PUS7: variants seen among roughly 807,000 people sequenced by gnomAD.
PUS7 encodes the protein pseudouridylate synthase 7 homolog.
Under a neutral mutation model 79.8 loss-of-function variants are expected in PUS7, and 48 were observed. The observed-to-expected ratio is 0.60, with a 90% confidence interval of 0.48 to 0.76. The LOEUF (loss-of-function observed/expected upper bound fraction) is 0.76, where lower values mean the gene tolerates loss of function less well. Among genes scored for constraint, PUS7 ranks in the 30% least tolerant of loss-of-function variants. The pLI is 0.00. For missense variants in PUS7, 729 were observed against 797.6 expected (o/e 0.91, Z 1.04); for synonymous variants, 286 against 272.2 (o/e 1.05, Z -0.50).
intron 2 of PUS7, 140 bp from the exon 3 acceptor site, chr7:105,506,413 GTTAA>G (rs1213531269): frequency 1.8e-6 from 1 of 567,538 alleles, no homozygotes; most frequent in African/African-American, 2.0e-5. Context: ...ATCACATGGA[GTTAA>G]TTTTTTTTTT....
intron 1 of PUS7, among the ~76,000 whole-genome samples, chr7:105,511,261 C>T (rs1825690839): frequency 6.6e-6 from 1 of 150,968 alleles, no homozygotes; most frequent in Non-Finnish European, 1.5e-5. Context: ...TCTCAAACTC[C>T]TGACCTCATG....
intron 6 of PUS7, among the ~76,000 whole-genome samples, chr7:105,494,160 C>T (rs1824906879): frequency 6.6e-6 from 1 of 152,188 alleles, no homozygotes; most frequent in Admixed American, 6.5e-5. Flanking sequence ...ACCTCTGCAA[C>T]CACGTCAAAG....
intron 2 of PUS7, among the ~76,000 whole-genome samples, 186 bp downstream of exon 2, chr7:105,507,929 A>G (rs1460655074): frequency 6.6e-6 from 1 of 152,156 alleles, no homozygotes; most frequent in Non-Finnish European, 1.5e-5. Context: ...GGAAAAAATT[A>G]ATTAATTAAA....
In PUS7 at chr7:105,522,109, G is replaced by A. The variant is rs1194628510; in HGVS notation, c.-90C>T. 6.6e-6 allele frequency: 1 copy of A among 152,418 alleles called. No individual in the cohort carries two copies. The highest frequency in any genetic ancestry group is 2.4e-5 in the African/African-American group (1 of 41,436). The allele number at this position is 152,418 out of a possible 1,614,324, so 9.4% of individuals were successfully genotyped here. On this transcript the variant is annotated 5_prime_UTR_variant, in exon 1 of 16. Coordinates refer to ENST00000469408, the MANE Select transcript of PUS7 (RefSeq NM_019042.5). ...TGGGCGGCGAGGTGGCCAGCGCTCT[G>A]GTTGGGACGCAAGAGAGCGGCGAAG...
At chr7:105,511,404 C>T (rs1365499426) in intron 1 of PUS7, among the ~76,000 whole-genome samples, 1 of 149,348 alleles carries the variant, frequency 6.7e-6, no homozygotes, top group African/African-American at 2.5e-5. Flanking sequence ...GAAGTATGGT[C>T]TTGGAGCCTG....
rs1294989644 is a variant in PUS7 at position 105,468,260 on chromosome 7, G to A, written c.1525+77C>T. ...ATCTCTCTTTCTTAATTAATAGCCAGGATGGATTTTAAAGCCACTAGTGGC... is the reference window on the plus strand; with the variant it reads ...ATCTCTCTTTCTTAATTAATAGCCAAGATGGATTTTAAAGCCACTAGTGGC... On this transcript the variant is annotated intron_variant, in intron 12 of 15. Transcript: ENST00000469408. 3 of 1,536,872 alleles carry A rather than the reference G, an allele frequency of 2.0e-6. No homozygotes were observed. In the East Asian group the frequency reaches 6.8e-5, roughly 35 times the overall value.
rs545451019 is a variant in PUS7 at position 105,482,240 on chromosome 7, C to G, written c.1049+72G>C. On this transcript the variant is annotated intron_variant, in intron 8 of 15. Transcript: ENST00000469408. ...TACCAGCTCACCAGGACCTTATGAC[C>G]AACCGTGAGTAACATACTCAAGATG... The G allele has an allele frequency of 1.5e-5, 23 of 1,532,104 alleles. No individual in the cohort carries two copies. In the Admixed American group the frequency reaches 3.9e-4, roughly 26 times the overall value. 94.9% of individuals were successfully genotyped at this position (1,532,104 alleles called of 1,614,324 possible).
intron 8 of PUS7, 28 bp downstream of exon 8, chr7:105,482,284 G>A: frequency 6.2e-7 from 1 of 1,608,514 alleles, no homozygotes; most frequent in Non-Finnish European, 8.5e-7. Context: ...AGACCCTCTG[G>A]TCTACATTCC....
At chr7:105,520,927 G>A (rs1305764359) in intron 1 of PUS7, among the ~76,000 whole-genome samples, 1 of 151,988 alleles carries the variant, frequency 6.6e-6, no homozygotes, top group Non-Finnish European at 1.5e-5. Context: ...AGGATTGCTT[G>A]AGCCCAGGAG....
chr7:105,500,308 A>C (rs896269012), intron 5 of PUS7, among the ~76,000 whole-genome samples: 7 of 152,146 alleles, frequency 4.6e-5, no homozygotes, highest in Admixed American at 1.3e-4. Flanking sequence ...ACAACAACAA[A>C]AAAAAGAAAG....
chr7:105,458,063 T>C (rs1330454866), intron 15 of PUS7, 137 bp from the exon 16 acceptor site: 1 of 943,588 alleles, frequency 1.1e-6, no homozygotes, highest in African/African-American at 1.7e-5. Context: ...CCTTGGAGAA[T>C]GAGACCATGG....
Position 105,468,409 on chromosome 7 carries a change from T to C in PUS7, c.1453A>G (p.Asn485Asp). 1 of 1,613,358 alleles carries C rather than the reference T, an allele frequency of 6.2e-7. No individual in the cohort carries two copies. The highest frequency in any genetic ancestry group is 2.2e-5 in the East Asian group (1 of 44,878). ...TCTATCCTCTTGCTTACCATGTTATTCCACACATAGCTTTGGTAGCTATGA... is the reference window on the plus strand; with the variant it reads ...TCTATCCTCTTGCTTACCATGTTATCCCACACATAGCTTTGGTAGCTATGA... Reference protein sequence around the residue: ...YIHSYQSYVWNNMVSKRIEDY... With the variant: ...YIHSYQSYVWDNMVSKRIEDY... Residue 485 changes from asparagine (N) to aspartate (D), a missense_variant, in exon 12 of 16, where the codon AAT becomes GAT. Asn to Asp is a conservative substitution (Grantham distance 23). Coordinates refer to ENST00000469408, the MANE Select transcript of PUS7 (RefSeq NM_019042.5).
At chr7:105,489,305 T>C (rs1292626327) in intron 7 of PUS7, among the ~76,000 whole-genome samples, 2 of 151,924 alleles carry the variant, frequency 1.3e-5, no homozygotes, top group African/African-American at 4.8e-5. Flanking sequence ...AAACCTTCTG[T>C]TGTGACCTCT....
chr7:105,501,584 T>G (rs1825250631), intron 5 of PUS7, among the ~76,000 whole-genome samples: 1 of 152,120 alleles, frequency 6.6e-6, no homozygotes, highest in African/African-American at 2.4e-5. Flanking sequence ...ATTTTTTATG[T>G]GTGACTGAAG....
At chr7:105,461,993 T>G (rs746913400) in intron 14 of PUS7, among the ~76,000 whole-genome samples, 4 of 150,258 alleles carry the variant, frequency 2.7e-5, no homozygotes, top group Non-Finnish European at 4.4e-5. Flanking sequence ...CAGGAAGCCA[T>G]GATTATGCCA....
intron 7 of PUS7, among the ~76,000 whole-genome samples, chr7:105,489,837 G>A (rs2133168900): frequency 6.6e-6 from 1 of 152,132 alleles, no homozygotes; most frequent in Admixed American, 6.5e-5. Context: ...TAAATATATG[G>A]GCTGGGCGTG....
chr7:105,462,806 G>C, intron 13 of PUS7, 56 bp from the exon 14 acceptor site: 1 of 1,518,650 alleles, frequency 6.6e-7, no homozygotes, highest in Non-Finnish European at 9.0e-7. Context: ...AAGTTATCCT[G>C]AACTAGATTA....
chr7:105,474,998 G>A (rs949081643), intron 9 of PUS7, among the ~76,000 whole-genome samples: 2 of 152,098 alleles, frequency 1.3e-5, no homozygotes, highest in African/African-American at 4.8e-5. Flanking sequence ...TTAACTAACT[G>A]TTCCTTTACA....
chr7:105,469,140 A>G (rs913755756), intron 11 of PUS7, among the ~76,000 whole-genome samples: 1 of 151,192 alleles, frequency 6.6e-6, no homozygotes, highest in Non-Finnish European at 1.5e-5. Context: ...CCCAGGTTCA[A>G]GCAATCCACC....
Sources: gnomAD v4.1 joint callset for allele counts (sites outside exome capture counted in the v4.1 genomes callset) on GRCh38, gnomAD v4.1.1 for gene constraint, MANE v1.5 for transcripts, NCBI Gene and HGNC (gene_info 2026-07-23, HGNC 2026-07-21) for gene names.